NGEF: variants seen among roughly 807,000 people sequenced by gnomAD.
NGEF encodes the protein neuronal guanine nucleotide exchange factor, also known as ephexin-1.
In NGEF, 31 loss-of-function variants were observed where a neutral mutation model predicts 80.9. That is an observed-to-expected ratio of 0.38 (90% CI 0.29 to 0.52). The LOEUF (loss-of-function observed/expected upper bound fraction) is 0.52, where lower values mean the gene tolerates loss of function less well. NGEF is among the 20% of genes least tolerant of loss of function. The pLI, the probability that NGEF is intolerant of heterozygous loss-of-function variation, is 0.84. For missense variants in NGEF, 709 were observed against 926.2 expected (o/e 0.77, Z 3.04); for synonymous variants, 371 against 370.2 (o/e 1.00, Z -0.03).
At chr2:232,885,862 A>G (rs1242550822) in intron 9 of NGEF, among the ~76,000 whole-genome samples, 1 of 152,244 alleles carries the variant, frequency 6.6e-6, no homozygotes, top group Non-Finnish European at 1.5e-5. Flanking sequence ...AATGAGCACC[A>G]TGTCCAGGGA....
intron 8 of NGEF, among the ~76,000 whole-genome samples, chr2:232,889,331 C>T (rs1691804149): frequency 6.6e-6 from 1 of 152,206 alleles, no homozygotes; most frequent in African/African-American, 2.4e-5. Flanking sequence ...TCTCCCACGC[C>T]AGCCTCCACT....
At chr2:232,903,974 T>A (rs1240530096) in intron 5 of NGEF, among the ~76,000 whole-genome samples, 1 of 152,218 alleles carries the variant, frequency 6.6e-6, no homozygotes, top group African/African-American at 2.4e-5. Flanking sequence ...TGTCAGAGGC[T>A]GTACAGATGC....
intron 1 of NGEF, among the ~76,000 whole-genome samples, chr2:232,986,146 A>G (rs998340750): frequency 2.0e-5 from 3 of 152,192 alleles, no homozygotes; most frequent in African/African-American, 7.2e-5. Context: ...AGAAAAAGAC[A>G]AAACAATGAG....
chr2:232,879,420 G>GGC lies in NGEF; in HGVS notation c.*68_*69insGC, dbSNP rs1190612595. Reference sequence around the variant, plus strand: ...GAGGTGCTGGCCTGTGCTTCCCAGAGCCCCCCCCCCCCCACCTTCTGTCGG... The same window carrying GGC: ...GAGGTGCTGGCCTGTGCTTCCCAGAGGCCCCCCCCCCCCCCACCTTCTGTCGG... On this transcript the variant is annotated 3_prime_UTR_variant, in exon 15 of 15. Coordinates refer to ENST00000264051, the MANE Select transcript of NGEF (RefSeq NM_019850.3). 1.1e-5 allele frequency: 14 copies of GGC among 1,231,484 alleles called. No homozygotes were observed. In the Admixed American group the frequency reaches 1.2e-4, roughly 10 times the overall value. 76.3% of individuals were successfully genotyped at this position (1,231,484 alleles called of 1,614,324 possible).
intron 3 of NGEF, among the ~76,000 whole-genome samples, chr2:232,939,846 A>T (rs1693403128): frequency 6.6e-6 from 1 of 151,990 alleles, no homozygotes. Flanking sequence ...AAAAATACAA[A>T]ATTAGCTGGG....
intron 1 of NGEF, among the ~76,000 whole-genome samples, chr2:232,978,364 T>A (rs1005796667): frequency 6.7e-6 from 1 of 150,040 alleles, no homozygotes; most frequent in African/African-American, 2.5e-5. Context: ...AGAAAAAAAA[T>A]ATTAGCTGGG....
intron 10 of NGEF, among the ~76,000 whole-genome samples, 172 bp from the exon 11 acceptor site, chr2:232,884,316 C>CTGTG (rs148425185): frequency 1.1e-4 from 17 of 151,350 alleles, no homozygotes; most frequent in African/African-American, 2.2e-4. Flanking sequence ...GATGGCAGGG[C>CTGTG]TGTGTGTGTG....
At chr2:232,951,780 C>G (rs1229104984) in intron 3 of NGEF, among the ~76,000 whole-genome samples, 1 of 152,190 alleles carries the variant, frequency 6.6e-6, no homozygotes, top group African/African-American at 2.4e-5. Flanking sequence ...AGGAGCAAAA[C>G]CAGTAATTTC....
At chr2:233,006,048 C>A (rs1272955456) in intron 1 of NGEF, among the ~76,000 whole-genome samples, 1 of 152,184 alleles carries the variant, frequency 6.6e-6, no homozygotes, top group African/African-American at 2.4e-5. Context: ...AACTCTTGAC[C>A]TCAAGTGATC....
chr2:232,978,454 G>T lies in NGEF; in HGVS notation c.-74-3490C>A, dbSNP rs183311410. ...CGCTTGAAACGGGAAGGCATAGGTT[G>T]CAGTGAGCCGAGATTGCGCCACTGC... On this transcript the variant is annotated intron_variant, in intron 1 of 14. Coordinates refer to ENST00000264051, the MANE Select transcript of NGEF (RefSeq NM_019850.3). 2.3e-3 allele frequency among the ~76,000 whole-genome samples: 349 copies of T among 152,304 alleles called. 2 individuals are homozygous for T. Among genetic ancestry groups the T allele is most frequent in the Non-Finnish European group, 4.3e-3 (291 of 68,020 alleles).
In NGEF at chr2:232,923,888, A is replaced by G. The variant is rs140164416; in HGVS notation, c.526+3156T>C. Among the ~76,000 whole-genome samples the G allele has an allele frequency of 2.0e-5, 3 of 152,222 alleles. No homozygotes were observed. In the East Asian group the frequency reaches 5.8e-4, roughly 30 times the overall value. ...TAAGAGGTGGGGCCTTTGAAAAGTG[A>G]CTAAGACATGAGGGCACTGCCTCCG... On this transcript the variant is annotated intron_variant, in intron 4 of 14. Coordinates refer to ENST00000264051, the MANE Select transcript of NGEF (RefSeq NM_019850.3).
At chr2:232,990,412 T>C (rs1227461478) in intron 1 of NGEF, among the ~76,000 whole-genome samples, 4 of 152,052 alleles carry the variant, frequency 2.6e-5, no homozygotes, top group African/African-American at 9.7e-5. Flanking sequence ...GATGGGAAAA[T>C]GGAATATTAA....
At chr2:232,918,044 C>T (rs1034127680) in intron 5 of NGEF, among the ~76,000 whole-genome samples, 1 of 152,222 alleles carries the variant, frequency 6.6e-6, no homozygotes, top group East Asian at 1.9e-4. Flanking sequence ...ACCTCTGCCT[C>T]CTGGGTTCAA....
At chr2:232,975,893 G>GATTC (rs1293633947) in intron 1 of NGEF, among the ~76,000 whole-genome samples, 6 of 152,142 alleles carry the variant, frequency 3.9e-5, no homozygotes, top group African/African-American at 1.4e-4. Context: ...TCGGTCCAGA[G>GATTC]ATTCCATCAT....
At chr2:233,004,103 G>A (rs1448978510) in intron 1 of NGEF, among the ~76,000 whole-genome samples, 1 of 152,144 alleles carries the variant, frequency 6.6e-6, no homozygotes, top group Non-Finnish European at 1.5e-5. Flanking sequence ...TCACGATCAT[G>A]TCATAACTTC....
intron 12 of NGEF, among the ~76,000 whole-genome samples, chr2:232,882,823 C>T (rs894035459): frequency 2.6e-5 from 4 of 152,202 alleles, no homozygotes; most frequent in African/African-American, 9.6e-5. Flanking sequence ...AGGCTCAAGG[C>T]CTGCAAAGCA....
intron 1 of NGEF, among the ~76,000 whole-genome samples, chr2:232,982,617 G>A (rs1009202142): frequency 2.0e-5 from 3 of 152,150 alleles, no homozygotes; most frequent in Admixed American, 2.0e-4. Flanking sequence ...GGGTTCAAGC[G>A]ATTCTCCTGC....
chr2:232,998,073 G>A (rs1694892193), intron 1 of NGEF, among the ~76,000 whole-genome samples: 1 of 152,208 alleles, frequency 6.6e-6, no homozygotes, highest in South Asian at 2.1e-4. Context: ...CAGGCCAGAA[G>A]GTGGTGGTGG....
chr2:232,890,713 C>A (rs1298372544), intron 8 of NGEF, among the ~76,000 whole-genome samples: 1 of 152,124 alleles, frequency 6.6e-6, no homozygotes, highest in Non-Finnish European at 1.5e-5. Flanking sequence ...GGCCCCCACT[C>A]CCCGACCCAG....
Sources: allele counts gnomAD v4.1 joint callset (sites outside exome capture counted in the v4.1 genomes callset), GRCh38; gene constraint gnomAD v4.1.1; transcripts MANE v1.5; gene names NCBI Gene and HGNC (gene_info 2026-07-23, HGNC 2026-07-21).